ZNF33A: variants seen among roughly 807,000 people sequenced by gnomAD.
ZNF33A encodes zinc finger protein 33A.
In ZNF33A, 9 loss-of-function variants were observed where a neutral mutation model predicts 15.9. The ratio of observed to expected loss-of-function variants is 0.57; its 90% CI spans 0.34 to 0.99. The LOEUF is 0.99. Among genes scored for constraint, ZNF33A ranks in the 50% least tolerant of loss-of-function variants. ZNF33A has a pLI of 0.02. For synonymous variants in ZNF33A, 294 were observed against 324.2 expected, an observed-to-expected ratio of 0.91 and a Z score of 1.00; for missense variants, 843 against 941.6, an observed-to-expected ratio of 0.90 and a Z score of 1.37.
At chr10:38,067,008 C>T (rs9418319), downstream of ZNF33A, among the ~76,000 whole-genome samples, 9,117 of 152,272 alleles carry the variant, frequency 0.06, 353 homozygotes, top group Middle Eastern at 0.1. Flanking sequence ...CCTCACTGTC[C>T]TCAATATGAC....
intron 4 of ZNF33A, among the ~76,000 whole-genome samples, chr10:38,034,054 T>C (rs1422880294): frequency 6.6e-6 from 1 of 152,164 alleles, no homozygotes; most frequent in Non-Finnish European, 1.5e-5. Flanking sequence ...TATTTATGTA[T>C]CTCCTTTGTC....
intron 4 of ZNF33A, among the ~76,000 whole-genome samples, chr10:38,039,781 T>G (rs1173670669): frequency 6.6e-5 from 10 of 151,980 alleles, no homozygotes; most frequent in Non-Finnish European, 1.3e-4. Flanking sequence ...CTTTTTTTTC[T>G]TTTTCAATGT....
chr10:38,054,602 A>G lies in ZNF33A; in HGVS notation c.478A>G (p.Ile160Val), dbSNP rs992859810. 6.2e-7 allele frequency: 1 copy of G among 1,612,268 alleles called. No homozygotes were observed. The highest frequency in any genetic ancestry group is 8.5e-7 in the Non-Finnish European group (1 of 1,179,468). The part of the protein sequence containing the change: ...NTVSELVISK[I>V]NYLGKKSDEF... The stretch of plus-strand genomic sequence containing the variant: ...TGTTTCAGAATTGGTTATCAGTAAG[A>G]TAAACTATTTAGGAAAAAAGTCTGA... The change falls in exon 5 of 5, where the codon ATA becomes GTA. Residue 160 changes from isoleucine (I) to valine (V), a missense_variant. Transcript: ENST00000432900.
intron 4 of ZNF33A, among the ~76,000 whole-genome samples, chr10:38,038,400 C>A (rs1314420458): frequency 1.3e-5 from 2 of 152,222 alleles, no homozygotes; most frequent in East Asian, 3.9e-4. Context: ...TTATGCCCGG[C>A]CAGAATTATT....
At chr10:38,064,881 A>G (rs2066694935), downstream of ZNF33A, 1 of 151,958 alleles carries the variant, frequency 6.6e-6, no homozygotes, top group South Asian at 2.1e-4. Flanking sequence ...GAGCTCACTA[A>G]TTATCAATAC....
chr10:38,036,812 G>A (rs193261167), intron 4 of ZNF33A, among the ~76,000 whole-genome samples: 22 of 152,326 alleles, frequency 1.4e-4, no homozygotes, highest in Non-Finnish European at 1.2e-4. Context: ...GTACAGGCAT[G>A]ATTGCCTAAG....
In ZNF33A at chr10:38,010,800, TGGGCA is replaced by T; in HGVS notation, c.-45+21_-45+25del. The stretch of plus-strand genomic sequence containing the variant: ...GGGAGTGGGGTAAGCCCCAGTGGGT[TGGGCA>T]GGGAGAGAGAGGGAGCCCCGCGCGA... On this transcript the variant is annotated intron_variant, in intron 1 of 4. Coordinates refer to ENST00000432900, the MANE Select transcript of ZNF33A (RefSeq NM_006954.2). 1 of 1,597,852 alleles carries T rather than the reference TGGGCA, an allele frequency of 6.3e-7. No homozygotes were observed. Among genetic ancestry groups the T allele is most frequent in the Non-Finnish European group, 8.5e-7 (1 of 1,179,498 alleles).
chr10:38,049,302 A>G (rs1368065837), intron 4 of ZNF33A, among the ~76,000 whole-genome samples: 1 of 152,108 alleles, frequency 6.6e-6, no homozygotes, highest in Non-Finnish European at 1.5e-5. Flanking sequence ...AATACCTATA[A>G]TACTCATTGA....
chr10:38,050,128 A>T (rs2135738712), intron 4 of ZNF33A, among the ~76,000 whole-genome samples: 1 of 152,352 alleles, frequency 6.6e-6, no homozygotes, highest in East Asian at 1.9e-4. Context: ...AAAATTCAAG[A>T]AGAGGGAATA....
intron 4 of ZNF33A, chr10:38,039,619 G>T: frequency 4.4e-6 from 2 of 451,958 alleles, no homozygotes; most frequent in South Asian, 3.2e-5. Flanking sequence ...GGTTTTAGTT[G>T]TTTTTGTTTT....
intron 4 of ZNF33A, among the ~76,000 whole-genome samples, chr10:38,027,286 T>G (rs1479679596): frequency 6.6e-6 from 1 of 152,126 alleles, no homozygotes; most frequent in Non-Finnish European, 1.5e-5. Flanking sequence ...ACTGGAATTT[T>G]TGTGTGTGTG....
intron 4 of ZNF33A, among the ~76,000 whole-genome samples, chr10:38,041,417 A>C (rs1416845902): frequency 6.6e-6 from 1 of 152,078 alleles, no homozygotes; most frequent in Non-Finnish European, 1.5e-5. Context: ...TCTAGAACTT[A>C]CCTAATAAGT....
intron 4 of ZNF33A, among the ~76,000 whole-genome samples, chr10:38,042,231 CTGG>C (rs1285230211): frequency 6.6e-6 from 1 of 151,762 alleles, no homozygotes; most frequent in East Asian, 1.9e-4. Flanking sequence ...GTTGCCCAGG[CTGG>C]AGTGCAGTGG....
chr10:38,050,383 A>C (rs2066147828), intron 4 of ZNF33A, among the ~76,000 whole-genome samples: 1 of 152,216 alleles, frequency 6.6e-6, no homozygotes, highest in Non-Finnish European at 1.5e-5. Flanking sequence ...GGCCAACTTC[A>C]TAGCTAGGTG....
chr10:38,061,345 C>T (rs2066651814), downstream of ZNF33A, among the ~76,000 whole-genome samples: 1 of 152,158 alleles, frequency 6.6e-6, no homozygotes, highest in Non-Finnish European at 1.5e-5. Context: ...TGTCAAGATG[C>T]ACATGCATGG....
chr10:38,047,558 G>A (rs1247952724), intron 4 of ZNF33A, among the ~76,000 whole-genome samples: 9 of 145,676 alleles, frequency 6.2e-5, no homozygotes, highest in East Asian at 2.1e-4. Flanking sequence ...CATGGGAGGC[G>A]GAGGTTGCAG....
At position 38,058,139 on chromosome 10, in the gene ZNF33A, A is replaced by T; in HGVS notation, c.*1579A>T. 1 of 808,924 alleles carries T rather than the reference A, an allele frequency of 1.2e-6. No individual in the cohort carries two copies. Among genetic ancestry groups the T allele is most frequent in the Non-Finnish European group, 1.5e-6 (1 of 668,900 alleles). 50.1% of individuals were successfully genotyped at this position (808,924 alleles called of 1,614,324 possible). A position where few individuals can be genotyped will look rare whatever the true frequency, so the allele number is the denominator to read the frequency against. On this transcript the variant is annotated 3_prime_UTR_variant, in exon 5 of 5. Transcript: ENST00000432900. Reference sequence around the variant, plus strand: ...GCAAATTAAATCCAAAGTAACCTGAAAAAACATTAGAGTAAAAATCATTGA... The same window carrying T: ...GCAAATTAAATCCAAAGTAACCTGATAAAACATTAGAGTAAAAATCATTGA...
intron 4 of ZNF33A, 53 bp downstream of exon 4, chr10:38,017,439 G>A: frequency 6.8e-7 from 1 of 1,462,426 alleles, no homozygotes; most frequent in Non-Finnish European, 9.5e-7. Context: ...TTGTTTCCCA[G>A]TAGTTAATTC....
intron 4 of ZNF33A, among the ~76,000 whole-genome samples, chr10:38,044,854 G>T (rs754702988): frequency 1.3e-5 from 2 of 151,970 alleles, no homozygotes; most frequent in South Asian, 4.2e-4. Flanking sequence ...TTTTAGTAGA[G>T]ACGGGGTTTC....
Sources: gnomAD v4.1 joint callset for allele counts (sites outside exome capture counted in the v4.1 genomes callset) on GRCh38, gnomAD v4.1.1 for gene constraint, MANE v1.5 for transcripts, NCBI Gene and HGNC (gene_info 2026-07-23, HGNC 2026-07-21) for gene names.